The following KAT6B variants were observed in gnomAD, a reference collection of about 807,000 sequenced individuals.
The protein encoded by KAT6B is lysine acetyltransferase 6B.
In KAT6B, 10 loss-of-function variants were observed where a neutral mutation model predicts 187.5. That is an observed-to-expected ratio of 0.05 (90% CI 0.03 to 0.09). The LOEUF is 0.09. Ranked by LOEUF, KAT6B falls within the 10% of genes least tolerant of loss-of-function variation. The probability of loss-of-function intolerance (pLI) is 1.00; values close to 1 mark genes in which losing one functional copy is unlikely to be tolerated. For missense variants in KAT6B, 1,952 were observed against 2,558.9 expected (o/e 0.76, Z 5.12); for synonymous variants, 861 against 926.8 (o/e 0.93, Z 1.29).
At chr10:74,910,028 A>G (rs957751528) in intron 3 of KAT6B, among the ~76,000 whole-genome samples, 3 of 151,840 alleles carry the variant, frequency 2.0e-5, no homozygotes, top group Non-Finnish European at 2.9e-5. Flanking sequence ...AACCTCCCCT[A>G]ATCGCCTTTA....
chr10:74,916,769 A>G (rs1368452735), intron 3 of KAT6B, among the ~76,000 whole-genome samples: 2 of 152,160 alleles, frequency 1.3e-5, no homozygotes, highest in South Asian at 4.1e-4. Context: ...AATCCCTCCA[A>G]TTATTTATTT....
At chr10:74,895,658 G>A (rs1173445887) in intron 3 of KAT6B, among the ~76,000 whole-genome samples, 2 of 152,038 alleles carry the variant, frequency 1.3e-5, no homozygotes, top group Non-Finnish European at 2.9e-5. Context: ...TCGTGCCCCA[G>A]CCACCTGCGT....
intron 13 of KAT6B, among the ~76,000 whole-genome samples, chr10:75,013,031 G>GT (rs1417874111): frequency 6.6e-6 from 1 of 152,160 alleles, no homozygotes; most frequent in Non-Finnish European, 1.5e-5. Context: ...GGGGCTTAGA[G>GT]TAACAGGCTG....
rs747854136 is a variant in KAT6B at position 74,979,387 on chromosome 10, G to A, written c.2231+48G>A. On this transcript the variant is annotated intron_variant, in intron 10 of 17. Coordinates refer to ENST00000287239, the MANE Select transcript of KAT6B (RefSeq NM_012330.4). ...TGTATAACTTGAATGTCACATATGT[G>A]AGAAAGGAAAATTCTTGATTCTAAA... 10 of 1,285,354 alleles carry A rather than the reference G, an allele frequency of 7.8e-6. 1 individual carries two copies. The highest frequency in any genetic ancestry group is 1.7e-5 in the Admixed American group (1 of 59,154). 79.6% of individuals were successfully genotyped at this position (1,285,354 alleles called of 1,614,324 possible). A position where few individuals can be genotyped will look rare whatever the true frequency, so the allele number is the denominator to read the frequency against.
intron 3 of KAT6B, among the ~76,000 whole-genome samples, chr10:74,947,807 C>G (rs1004892552): frequency 2.6e-5 from 4 of 152,224 alleles, no homozygotes; most frequent in Admixed American, 6.5e-5. Context: ...TATTTCTTCT[C>G]CTGGCTTTGC....
rs1390141952 is a variant in KAT6B at position 75,029,393 on chromosome 10, C to T, written c.4569C>T (p.Val1523=). 3.1e-6 allele frequency: 5 copies of T among 1,613,904 alleles called. No individual in the cohort carries two copies. The highest frequency in any genetic ancestry group is 1.3e-5 in the African/African-American group (1 of 74,856). The change falls in exon 18 of 18, where the codon GTC becomes GTT. Residue 1523 remains valine (V), a synonymous_variant. Transcript: ENST00000287239. This position sits in a 1 kb window ranked among gnomAD's most constrained non-coding sequence, Gnocchi z 6.2. ...AGGACCAAAAGAACAGCAAGGAAGT[C>T]GATACAGAGTTCAAAGAGGGAAACC... ...QKQDQKNSKE[V]DTEFKEGNPA...
At chr10:74,994,600 C>T (rs573391787) in intron 13 of KAT6B, among the ~76,000 whole-genome samples, 3 of 151,672 alleles carry the variant, frequency 2.0e-5, no homozygotes, top group South Asian at 2.1e-4. Flanking sequence ...CTGGCCAACA[C>T]GGTGAAACCC....
rs751537186 is a variant in KAT6B at position 74,989,024 on chromosome 10, G to A, written c.2541G>A (p.Lys847=). Residue 847 remains lysine (K), a synonymous_variant, in exon 13 of 18, where the codon AAG becomes AAA. Coordinates refer to ENST00000287239, the MANE Select transcript of KAT6B (RefSeq NM_012330.4). ...CHLVGYFSKE[K]LCQQKYNVSC... is the part of the protein sequence containing the mutation. ...TCTGTTTCTCCTTCCCTCAGGAAAA[G>A]CTTTGCCAGCAGAAGTATAATGTCT... is the stretch of plus-strand genomic sequence containing the variant. The A allele has an allele frequency of 6.2e-7, 1 of 1,612,578 alleles. No homozygotes were observed. Among genetic ancestry groups the A allele is most frequent in the South Asian group, 1.1e-5 (1 of 91,056 alleles).
chr10:75,004,971 T>A (rs1310356874), intron 13 of KAT6B, among the ~76,000 whole-genome samples: 2 of 151,946 alleles, frequency 1.3e-5, no homozygotes, highest in Non-Finnish European at 2.9e-5. Context: ...TGCCTCGGCC[T>A]CCCAAGGCAC....
At position 75,000,713 on chromosome 10, in the gene KAT6B, G is replaced by A. The variant is rs144957521; in HGVS notation, c.2629+11601G>A. ...GTGGAATAATCATAAAAATGTGTCA[G>A]CAGTTTCAATTTTTGGCTTTCTTTA... On this transcript the variant is annotated intron_variant, in intron 13 of 17. Transcript: ENST00000287239. Among the ~76,000 whole-genome samples the A allele has an allele frequency of 3.9e-3, 595 of 152,222 alleles. 4 individuals carry two copies. Among genetic ancestry groups the A allele is most frequent in the Middle Eastern group, 6.8e-3 (2 of 294 alleles).
At chr10:74,981,257 G>A (rs752550001) in intron 10 of KAT6B, among the ~76,000 whole-genome samples, 1 of 151,952 alleles carries the variant, frequency 6.6e-6, no homozygotes, top group Non-Finnish European at 1.5e-5. Context: ...ATAATGTATG[G>A]TTGTTTTTAC....
At chr10:74,830,744 A>ATATATATATATATATATATATG (rs1840706463) in intron 1 of KAT6B, among the ~76,000 whole-genome samples, 1 of 15,030 alleles carries the variant, frequency 6.7e-5, no homozygotes, top group African/African-American at 7.1e-4. Flanking sequence ...ATATATATAT[A>ATATATATATATATATATATATG]TATATATATA....
intron 12 of KAT6B, 120 bp from the exon 13 acceptor site, chr10:74,988,892 CTGCTTGA>C: frequency 1.4e-6 from 1 of 696,282 alleles, no homozygotes; most frequent in East Asian, 2.8e-5. Context: ...TAGGATTTTT[CTGCTTGA>C]TCCTGACCTA....
In KAT6B at chr10:75,032,081, G is replaced by T. The variant is rs923945210; in HGVS notation, c.*1035G>T. ...AAAAGCAAAAAAGTTATTTGTGTCTGTTTATATTGCTTCCTTTTTTGTAGC... is the reference window on the plus strand; with the variant it reads ...AAAAGCAAAAAAGTTATTTGTGTCTTTTTATATTGCTTCCTTTTTTGTAGC... On this transcript the variant is annotated 3_prime_UTR_variant, in exon 18 of 18. Transcript: ENST00000287239. 2 of 196,596 alleles carry T rather than the reference G, an allele frequency of 1.0e-5. No homozygotes were observed. Among genetic ancestry groups the T allele is most frequent in the African/African-American group, 4.6e-5 (2 of 43,292 alleles). 12.2% of individuals were successfully genotyped at this position (196,596 alleles called of 1,614,324 possible).
chr10:74,907,743 T>C (rs566754288), intron 3 of KAT6B, among the ~76,000 whole-genome samples: 65 of 152,306 alleles, frequency 4.3e-4, no homozygotes, highest in African/African-American at 1.5e-3. Flanking sequence ...TTGGCCAGGC[T>C]GGTCTCAAAC....
At chr10:74,906,187 G>T (rs1281053469) in intron 3 of KAT6B, among the ~76,000 whole-genome samples, 1 of 152,140 alleles carries the variant, frequency 6.6e-6, no homozygotes, top group African/African-American at 2.4e-5. Context: ...ATCACCTGAG[G>T]TCAGGAGTTC....
intron 3 of KAT6B, among the ~76,000 whole-genome samples, chr10:74,915,575 A>G (rs1015545264): frequency 6.6e-6 from 1 of 152,244 alleles, no homozygotes; most frequent in Non-Finnish European, 1.5e-5. Flanking sequence ...TGTAAACCCC[A>G]GTAAGGCAGG....
chr10:74,985,456 C>G (rs1445257891), intron 12 of KAT6B, among the ~76,000 whole-genome samples: 1 of 152,196 alleles, frequency 6.6e-6, no homozygotes, highest in Non-Finnish European at 1.5e-5. Flanking sequence ...TGTGTGCCGC[C>G]TTGATGACAC....
intron 3 of KAT6B, among the ~76,000 whole-genome samples, chr10:74,881,487 C>T (rs1369971366): frequency 6.6e-6 from 1 of 152,226 alleles, no homozygotes; most frequent in Non-Finnish European, 1.5e-5. Context: ...TATCTCCAAA[C>T]ACCCCATGCC....
Sources: gnomAD v4.1 joint callset for allele counts (sites outside exome capture counted in the v4.1 genomes callset) on GRCh38, gnomAD v4.1.1 for gene constraint, Gnocchi (gnomAD v3.1) non-coding constraint, MANE v1.5 for transcripts, NCBI Gene and HGNC (gene_info 2026-07-23, HGNC 2026-07-21) for gene names.